Variants in SLC22A9 observed in about 807,000 individuals in gnomAD.
SLC22A9 encodes organic anion transporter 7.
A neutral mutation model predicts 50.1 loss-of-function variants in SLC22A9; 64 were observed. The observed-to-expected ratio is 1.28, with a 90% CI of 1.04 to 1.57. The LOEUF (loss-of-function observed/expected upper bound fraction) is 1.57, where lower values mean the gene tolerates loss of function less well. Among genes scored for constraint, SLC22A9 ranks in the 40% most tolerant of loss-of-function variants. SLC22A9 has a pLI of 0.00. For synonymous variants in SLC22A9, 261 were observed against 242.5 expected (o/e 1.08, Z -0.71); for missense variants, 757 against 676.1 (o/e 1.12, Z -1.33).
chr11:63,371,383 GT>G, intron 2 of SLC22A9, 145 bp downstream of exon 2: 1 of 599,742 alleles, frequency 1.7e-6, no homozygotes, highest in Non-Finnish European at 2.8e-6. Context: ...TTTAGTCCGT[GT>G]TTTGAGTGCT....
At chr11:63,387,416 C>A (rs1284637685) in intron 6 of SLC22A9, among the ~76,000 whole-genome samples, 1 of 151,966 alleles carries the variant, frequency 6.6e-6, no homozygotes, top group Non-Finnish European at 1.5e-5. Flanking sequence ...CCCCAATGCA[C>A]ATTCTTGACA....
chr11:63,371,692 G>A (rs944041900), intron 2 of SLC22A9, among the ~76,000 whole-genome samples: 1 of 152,164 alleles, frequency 6.6e-6, no homozygotes, highest in South Asian at 2.1e-4. Flanking sequence ...AACCTGTAGG[G>A]TATATTTGAA....
chr11:63,384,112 A>G (rs1452305943), intron 6 of SLC22A9, among the ~76,000 whole-genome samples: 1 of 152,154 alleles, frequency 6.6e-6, no homozygotes, highest in Non-Finnish European at 1.5e-5. Context: ...AAATATTTCA[A>G]ATGACCAAAA....
At chr11:63,392,767 G>C (rs567918168) in intron 6 of SLC22A9, among the ~76,000 whole-genome samples, 2 of 152,116 alleles carry the variant, frequency 1.3e-5, no homozygotes, top group Admixed American at 6.6e-5. Context: ...ACAGTTCATT[G>C]AAAAAGTATT....
chr11:63,399,547 A>G, intron 6 of SLC22A9, among the ~76,000 whole-genome samples: 1 of 152,202 alleles, frequency 6.6e-6, no homozygotes, highest in Non-Finnish European at 1.5e-5. Context: ...ACCTAGATAT[A>G]TAAAGTAAAT....
chr11:63,409,098 C>T (rs2015091568), intron 9 of SLC22A9, among the ~76,000 whole-genome samples: 1 of 152,166 alleles, frequency 6.6e-6, no homozygotes, highest in African/African-American at 2.4e-5. Context: ...CAGCTCTGCC[C>T]AGCTTGTCAA....
chr11:63,376,602 T>C (rs1339035013), intron 5 of SLC22A9, among the ~76,000 whole-genome samples: 1 of 151,590 alleles, frequency 6.6e-6, no homozygotes, highest in Admixed American at 6.6e-5. Flanking sequence ...GGAAATGATA[T>C]GGGAAAGGAA....
chr11:63,372,941 ATGTTCTACTTTT>A (rs923470747), intron 2 of SLC22A9, among the ~76,000 whole-genome samples: 4 of 152,058 alleles, frequency 2.6e-5, no homozygotes, highest in African/African-American at 9.7e-5. Context: ...CAAATCACTA[ATGTTCTACTTTT>A]TCCTTTTAAT....
At chr11:63,396,479 C>T (rs11602076) in intron 6 of SLC22A9, among the ~76,000 whole-genome samples, 20,610 of 152,082 alleles carry the variant, frequency 0.14, 1,690 homozygotes, top group East Asian at 0.3. Context: ...AGTGGGGGTG[C>T]GTGTTCAGGG....
chr11:63,397,787 C>T (rs2014885541), intron 6 of SLC22A9, among the ~76,000 whole-genome samples: 1 of 152,112 alleles, frequency 6.6e-6, no homozygotes, highest in South Asian at 2.1e-4. Context: ...AAATGGGCTT[C>T]CCTCTGGCCC....
In SLC22A9 at chr11:63,410,257, A is replaced by AAAAAAAAAAAAAAAAAAAGAAGG; in HGVS notation, c.*398_*399insAAAAAAAAAAAAAAAGAAGGAAA. The AAAAAAAAAAAAAAAAAAAGAAGG allele has an allele frequency of 9.2e-6, 1 of 108,466 alleles. No homozygotes were observed. The highest frequency in any genetic ancestry group is 1.6e-5 in the Non-Finnish European group (1 of 61,184). 6.7% of individuals were successfully genotyped at this position (108,466 alleles called of 1,614,324 possible). ...CTGTCTCAAAAAAAAAAAAAAAAAA[A>AAAAAAAAAAAAAAAAAAAGAAGG]AAAGAAAGAAGGAAAGAAAGAAAGA... On this transcript the variant is annotated 3_prime_UTR_variant, in exon 10 of 10. Transcript: ENST00000279178.
At position 63,370,167 on chromosome 11, in the gene SLC22A9, G is replaced by A; in HGVS notation, c.111G>A (p.Leu37=). The change falls in exon 1 of 10, where the codon CTG becomes CTA. Residue 37 remains leucine, a synonymous_variant. Coordinates refer to ENST00000279178, the MANE Select transcript of SLC22A9 (RefSeq NM_080866.3). ...FAVATYLHFM[L]ENFTAFIPGH... ...TTGCTACATACCTTCATTTTATGCT[G>A]GAGAACTTCACTGCATTCATACCTG... 2 of 1,613,994 alleles carry A rather than the reference G, an allele frequency of 1.2e-6. No homozygotes were observed. The highest frequency in any genetic ancestry group is 3.3e-4 in the Middle Eastern group (2 of 6,060).
chr11:63,400,480 T>C (rs1416290337), intron 6 of SLC22A9, among the ~76,000 whole-genome samples: 1 of 151,890 alleles, frequency 6.6e-6, no homozygotes, highest in Non-Finnish European at 1.5e-5. Flanking sequence ...ATACAAACCA[T>C]GAACAGAGCA....
chr11:63,409,365 C>A (rs1369280602), intron 9 of SLC22A9, among the ~76,000 whole-genome samples: 8 of 151,934 alleles, frequency 5.3e-5, no homozygotes, highest in Non-Finnish European at 1.5e-5. Context: ...TTTGGCTTCC[C>A]TGGTCTACAG....
chr11:63,376,794 G>A (rs975950178), intron 5 of SLC22A9, among the ~76,000 whole-genome samples: 11 of 151,558 alleles, frequency 7.3e-5, no homozygotes, highest in African/African-American at 2.7e-4. Flanking sequence ...ATTGTATACT[G>A]ACTTCCAGAG....
At chr11:63,397,566 C>T (rs2014880789) in intron 6 of SLC22A9, among the ~76,000 whole-genome samples, 1 of 152,170 alleles carries the variant, frequency 6.6e-6, no homozygotes, top group Non-Finnish European at 1.5e-5. Context: ...TTTTATTCTA[C>T]TGTGGCTGAG....
intron 6 of SLC22A9, 60 bp downstream of exon 6, chr11:63,382,337 C>T: frequency 8.3e-7 from 1 of 1,210,868 alleles, no homozygotes; most frequent in Non-Finnish European, 1.2e-6. Context: ...ATCTTGTCCT[C>T]ATTTCAAGTA....
chr11:63,375,327 A>G (rs1356322957), intron 4 of SLC22A9, among the ~76,000 whole-genome samples: 1 of 152,182 alleles, frequency 6.6e-6, no homozygotes, highest in South Asian at 2.1e-4. Context: ...TGACCTCACT[A>G]GGACCTTGGC....
chr11:63,392,908 T>C (rs954404038), intron 6 of SLC22A9, among the ~76,000 whole-genome samples: 2 of 152,144 alleles, frequency 1.3e-5, no homozygotes, highest in Admixed American at 6.6e-5. Flanking sequence ...TCTTGATCTG[T>C]GCATGTCACA....
Sources: gnomAD v4.1 joint callset for allele counts (sites outside exome capture counted in the v4.1 genomes callset) on GRCh38, gnomAD v4.1.1 for gene constraint, MANE v1.5 for transcripts, NCBI Gene and HGNC (gene_info 2026-07-23, HGNC 2026-07-21) for gene names.